Variants in WSB2 observed in about 807,000 individuals in gnomAD.
The protein encoded by WSB2 is WD repeat and SOCS box-containing protein 2.
WSB2 carries 12 observed loss-of-function variants against 48.8 expected under a neutral mutation model. That is an observed-to-expected ratio of 0.25 (90% CI 0.16 to 0.40). WSB2 has a LOEUF of 0.40. Among genes scored for constraint, WSB2 ranks in the 10% least tolerant of loss-of-function variants. The pLI, the probability that WSB2 is intolerant of heterozygous loss-of-function variation, is 1.00. For synonymous variants in WSB2, 191 were observed against 203.1 expected (o/e 0.94, Z 0.51); for missense variants, 317 against 506.2 (o/e 0.63, Z 3.59).
intron 8 of WSB2, chr12:118,034,652 C>T (rs1435041158): frequency 6.2e-6 from 3 of 487,770 alleles, no homozygotes; most frequent in African/African-American, 3.9e-5. Context: ...GGGAAGAGTG[C>T]CACCTACTGA....
At position 118,033,574 on chromosome 12, in the gene WSB2, AGT is replaced by A. The variant is rs1308095403; in HGVS notation, c.*620_*621del. The A allele has an allele frequency of 1.3e-5, 2 of 151,420 alleles. No homozygotes were observed. Among genetic ancestry groups the A allele is most frequent in the African/African-American group, 2.4e-5 (1 of 41,150 alleles). The allele number at this position is 151,420 out of a possible 1,614,324, so 9.4% of individuals were successfully genotyped here. A position where few individuals can be genotyped will look rare whatever the true frequency, so the allele number is the denominator to read the frequency against. On this transcript the variant is annotated 3_prime_UTR_variant, in exon 9 of 9. Coordinates refer to ENST00000315436, the MANE Select transcript of WSB2 (RefSeq NM_018639.5). ...AAAAAAAAAAAAAAAAGCCAGTAAT[AGT>A]GTCTGGATCGGTCAGGAGCACGGCC...
At position 118,034,804 on chromosome 12, in the gene WSB2, A is replaced by G. The variant is rs796549670; in HGVS notation, c.1052+182T>C. On this transcript the variant is annotated intron_variant, in intron 8 of 8. Transcript: ENST00000315436. ...AGATCTTTAATTACATTTAGGTTAA[A>G]TATTCAGAGAAAATGGGACACCGTT... The G allele has an allele frequency of 2.1e-4, 130 of 611,352 alleles. 1 individual carries two copies. The highest frequency in any genetic ancestry group is 1.3e-3 in the Middle Eastern group (4 of 3,060). 37.9% of individuals were successfully genotyped at this position (611,352 alleles called of 1,614,324 possible). A position where few individuals can be genotyped will look rare whatever the true frequency, so the allele number is the denominator to read the frequency against.
intron 5 of WSB2, among the ~76,000 whole-genome samples, chr12:118,037,135 T>C (rs566719779): frequency 3.1e-4 from 47 of 152,040 alleles, no homozygotes; most frequent in African/African-American, 1.1e-3. Flanking sequence ...TGACCTGAGA[T>C]CACGTCACTG....
At chr12:118,040,402 C>T (rs555916748) in intron 4 of WSB2, among the ~76,000 whole-genome samples, 23 of 152,210 alleles carry the variant, frequency 1.5e-4, no homozygotes, top group African/African-American at 5.3e-4. Context: ...TTTCCAGAGC[C>T]ACTGCATGGA....
Position 118,033,441 on chromosome 12 carries a change from G to A in WSB2, c.*755C>T, listed in dbSNP as rs1389631141. On this transcript the variant is annotated 3_prime_UTR_variant, in exon 9 of 9. Coordinates refer to ENST00000315436, the MANE Select transcript of WSB2 (RefSeq NM_018639.5). Reference sequence around the variant, plus strand: ...CAAATAAATATGATGCTAATAAATGGCCACTGATAACTCAGTAGCCATCTG... The same window carrying A: ...CAAATAAATATGATGCTAATAAATGACCACTGATAACTCAGTAGCCATCTG... 1 of 152,080 alleles carries A rather than the reference G, an allele frequency of 6.6e-6. No individual in the cohort carries two copies. The highest frequency in any genetic ancestry group is 1.9e-4 in the East Asian group (1 of 5,188). 9.4% of individuals were successfully genotyped at this position (152,080 alleles called of 1,614,324 possible). A position where few individuals can be genotyped will look rare whatever the true frequency, so the allele number is the denominator to read the frequency against.
At chr12:118,057,886 G>A (rs1397956671) in intron 1 of WSB2, among the ~76,000 whole-genome samples, 1 of 148,288 alleles carries the variant, frequency 6.7e-6, no homozygotes, top group East Asian at 2.0e-4. Flanking sequence ...AGCCTCCTGT[G>A]TATCGGGCTA....
chr12:118,036,837 C>A (rs75689617), intron 5 of WSB2, among the ~76,000 whole-genome samples: 6,031 of 152,232 alleles, frequency 0.04, 378 homozygotes, highest in African/African-American at 0.14. Flanking sequence ...ATAGGGTAGT[C>A]GTATGTGCTG....
intron 2 of WSB2, among the ~76,000 whole-genome samples, chr12:118,045,420 G>A (rs1015243494): frequency 7.2e-5 from 11 of 151,900 alleles, no homozygotes; most frequent in Admixed American, 1.3e-4. Context: ...GGGAGGGGCC[G>A]GGCACGGTGG....
intron 4 of WSB2, 37 bp downstream of exon 4, chr12:118,042,804 T>A (rs756843136): frequency 6.2e-7 from 1 of 1,602,416 alleles, no homozygotes; most frequent in South Asian, 1.1e-5. Context: ...AATACAGTAT[T>A]TTTGGAGTTG....
At chr12:118,051,291 CAAATAGTTAAACATAGAA>C (rs1487700322) in intron 2 of WSB2, among the ~76,000 whole-genome samples, 6 of 152,164 alleles carry the variant, frequency 3.9e-5, no homozygotes, top group Non-Finnish European at 7.4e-5. Flanking sequence ...GACACCTCCT[CAAATAGTTAAACATAGAA>C]AACACAGGTT....
intron 2 of WSB2, among the ~76,000 whole-genome samples, chr12:118,050,147 C>T (rs763039882): frequency 6.6e-6 from 1 of 151,688 alleles, no homozygotes; most frequent in African/African-American, 2.4e-5. Flanking sequence ...ATCGCACCAT[C>T]GCACTCCAGC....
At chr12:118,050,746 C>G (rs775973338) in intron 2 of WSB2, among the ~76,000 whole-genome samples, 10 of 151,940 alleles carry the variant, frequency 6.6e-5, no homozygotes, top group Non-Finnish European at 1.5e-4. Flanking sequence ...TACAAAGGAC[C>G]AGTAAGCACC....
In WSB2 at chr12:118,034,019, G is replaced by T. The variant is rs1052609773; in HGVS notation, c.*177C>A. 1 of 811,210 alleles carries T rather than the reference G, an allele frequency of 1.2e-6. No homozygotes were observed. The highest frequency in any genetic ancestry group is 1.9e-6 in the Non-Finnish European group (1 of 516,798). 50.3% of individuals were successfully genotyped at this position (811,210 alleles called of 1,614,324 possible). A position where few individuals can be genotyped will look rare whatever the true frequency, so the allele number is the denominator to read the frequency against. ...CTTCCTCTAAGACTGACTTTCACAT[G>T]CCAGGGAGAGAAAGATCCATGACTA... On this transcript the variant is annotated 3_prime_UTR_variant, in exon 9 of 9. Coordinates refer to ENST00000315436, the MANE Select transcript of WSB2 (RefSeq NM_018639.5).
chr12:118,034,571 A>AGCGC (rs1555267381), intron 8 of WSB2: 8 of 456,950 alleles, frequency 1.8e-5, no homozygotes, highest in Non-Finnish European at 2.6e-5. Context: ...GTGATACCAA[A>AGCGC]GCGCTCTCTC....
Position 118,060,957 on chromosome 12 carries a change from C to T in WSB2, c.13+79G>A. 5 of 719,596 alleles carry T rather than the reference C, an allele frequency of 6.9e-6. No homozygotes were observed. The highest frequency in any genetic ancestry group is 8.5e-6 in the Non-Finnish European group (5 of 586,270). The allele number at this position is 719,596 out of a possible 1,614,324, so 44.6% of individuals were successfully genotyped here. On this transcript the variant is annotated intron_variant, in intron 1 of 8. Coordinates refer to ENST00000315436, the MANE Select transcript of WSB2 (RefSeq NM_018639.5). This position sits in a 1 kb window ranked among gnomAD's most constrained non-coding sequence, Gnocchi z 4.1. ...CCGCCCCACCCCGCCCAGCCCGCCC[C>T]GGGGTCGCCTCCCCCCTCCCCGGGG...
chr12:118,058,944 C>T (rs2032013277), intron 1 of WSB2, among the ~76,000 whole-genome samples: 4 of 152,110 alleles, frequency 2.6e-5, no homozygotes, highest in African/African-American at 9.7e-5. Flanking sequence ...GATCTGCCCG[C>T]CTCAGCCTCC....
At position 118,043,055 on chromosome 12, in the gene WSB2, G is replaced by T; in HGVS notation, c.427+78C>A. On this transcript the variant is annotated intron_variant, in intron 3 of 8. Coordinates refer to ENST00000315436, the MANE Select transcript of WSB2 (RefSeq NM_018639.5). ...CACGGCCACACCCCTTGGCCAACGTGAGTGGGGCAGGGAGGCGACATAGTC... is the reference window on the plus strand; with the variant it reads ...CACGGCCACACCCCTTGGCCAACGTTAGTGGGGCAGGGAGGCGACATAGTC... 1.9e-6 allele frequency: 3 copies of T among 1,613,608 alleles called. No homozygotes were observed. In the South Asian group the frequency reaches 3.3e-5, roughly 18 times the overall value.
intron 2 of WSB2, among the ~76,000 whole-genome samples, chr12:118,044,280 G>C (rs1403458305): frequency 6.6e-6 from 1 of 152,168 alleles, no homozygotes; most frequent in Non-Finnish European, 1.5e-5. Context: ...GTTTTGATGA[G>C]TGGAAGGAAA....
At position 118,043,340 on chromosome 12, in the gene WSB2, T is replaced by C. The variant is rs762127065; in HGVS notation, c.220A>G (p.Lys74Glu). Residue 74 changes from lysine to glutamate, a missense_variant, in exon 3 of 9, where the codon AAA (lysine) becomes GAA (glutamate). This residue lies in a region of WSB2 where 128 missense variants were observed against 156.7 expected (regional missense o/e 0.82). Transcript: ENST00000315436. ...KGFEAKSRSS[K>E]NETKGRGSPK... is the part of the protein sequence containing the mutation. Reference sequence around the variant, plus strand: ...CTGCCCCGCCCTTTCGTCTCATTTTTGCTACTTCGGCTTTTGGCTTCAAAC... The same window carrying C: ...CTGCCCCGCCCTTTCGTCTCATTTTCGCTACTTCGGCTTTTGGCTTCAAAC... The C allele has an allele frequency of 6.3e-7, 1 of 1,590,394 alleles. No homozygotes were observed. The highest frequency in any genetic ancestry group is 1.8e-5 in the Admixed American group (1 of 55,852).
Sources: gnomAD v4.1 joint callset for allele counts (sites outside exome capture counted in the v4.1 genomes callset) on GRCh38, gnomAD v4.1.1 for gene constraint, gnomAD v4.1.1 regional missense constraint, Gnocchi (gnomAD v3.1) non-coding constraint, MANE v1.5 for transcripts, NCBI Gene and HGNC (gene_info 2026-07-23, HGNC 2026-07-21) for gene names.